Variants in CDKAL1 observed in about 807,000 individuals in gnomAD.
CDKAL1 encodes the protein CDKAL1 threonylcarbamoyladenosine tRNA methylthiotransferase, also known as threonylcarbamoyladenosine tRNA methylthiotransferase.
A neutral mutation model predicts 68.2 loss-of-function variants in CDKAL1; 32 were observed. That is an observed-to-expected ratio of 0.47 (90% CI 0.35 to 0.63). The LOEUF (loss-of-function observed/expected upper bound fraction) is 0.63. Ranked by LOEUF, CDKAL1 falls within the 30% of genes least tolerant of loss-of-function variation. The pLI, the probability that CDKAL1 is intolerant of heterozygous loss-of-function variation, is 0.00. For synonymous variants in CDKAL1, 234 were observed against 244.3 expected, an observed-to-expected ratio of 0.96 and a Z score of 0.39; for missense variants, 606 against 696.7, an observed-to-expected ratio of 0.87 and a Z score of 1.47.
At chr6:21,218,996 CT>C (rs1470150660) in intron 15 of CDKAL1, among the ~76,000 whole-genome samples, 1 of 152,066 alleles carries the variant, frequency 6.6e-6, no homozygotes, top group East Asian at 1.9e-4. Flanking sequence ...TTATTTTTTA[CT>C]TTTAAAAACT....
At chr6:21,075,677 A>T (rs1445323551) in intron 12 of CDKAL1, among the ~76,000 whole-genome samples, 1 of 152,218 alleles carries the variant, frequency 6.6e-6, no homozygotes, top group East Asian at 1.9e-4. Context: ...TTGCAAGTTC[A>T]TATTTTCTGT....
intron 8 of CDKAL1, among the ~76,000 whole-genome samples, chr6:20,807,244 A>G (rs1204296028): frequency 2.0e-5 from 3 of 150,570 alleles, no homozygotes; most frequent in African/African-American, 7.3e-5. Flanking sequence ...TTTTTTTGAG[A>G]CGGAGTCTCG....
chr6:20,955,368 G>A (rs1561913430), intron 9 of CDKAL1, 51 bp from the exon 10 acceptor site: 2 of 1,558,262 alleles, frequency 1.3e-6, no homozygotes, highest in Non-Finnish European at 8.8e-7. Context: ...GCTGTATGAT[G>A]AAGGAAACAG....
chr6:20,717,504 G>A (rs919313406), intron 5 of CDKAL1, among the ~76,000 whole-genome samples: 1 of 151,944 alleles, frequency 6.6e-6, no homozygotes, highest in African/African-American at 2.4e-5. Flanking sequence ...AGAACAGGTA[G>A]TTTGATAGAT....
At chr6:20,919,060 C>CATCA (rs1368778485) in intron 9 of CDKAL1, among the ~76,000 whole-genome samples, 2 of 152,260 alleles carry the variant, frequency 1.3e-5, no homozygotes, top group African/African-American at 4.8e-5. Context: ...AAAACTAATA[C>CATCA]ATCAATAGTC....
intron 4 of CDKAL1, among the ~76,000 whole-genome samples, chr6:20,585,252 C>G (rs1765301373): frequency 2.6e-5 from 4 of 151,972 alleles, no homozygotes; most frequent in Non-Finnish European, 5.9e-5. Context: ...TGGGGTTTCA[C>G]CGTGTTAGCC....
intron 11 of CDKAL1, among the ~76,000 whole-genome samples, chr6:21,008,628 T>C (rs970396486): frequency 1.3e-5 from 2 of 152,212 alleles, no homozygotes; most frequent in African/African-American, 4.8e-5. Context: ...TGAGTTGTAC[T>C]AACGTCTAAA....
At chr6:20,885,069 A>G (rs1479597752) in intron 9 of CDKAL1, among the ~76,000 whole-genome samples, 1 of 152,250 alleles carries the variant, frequency 6.6e-6, no homozygotes, top group Non-Finnish European at 1.5e-5. Flanking sequence ...AATACTTAAT[A>G]TTGTTAAGAT....
At chr6:20,712,504 GAAA>G (rs372310205) in intron 5 of CDKAL1, among the ~76,000 whole-genome samples, 2 of 100,564 alleles carry the variant, frequency 2.0e-5, no homozygotes, top group African/African-American at 7.3e-5. Flanking sequence ...TGATGTGTTA[GAAA>G]AAAAAAAAAG....
At chr6:20,536,134 G>A (rs1186328451) in intron 2 of CDKAL1, among the ~76,000 whole-genome samples, 2 of 147,386 alleles carry the variant, frequency 1.4e-5, no homozygotes, top group Non-Finnish European at 3.0e-5. Context: ...GATAGGGTCC[G>A]TGTTGCCTAG....
At chr6:21,120,911 T>C (rs559181692) in intron 13 of CDKAL1, among the ~76,000 whole-genome samples, 7 of 152,320 alleles carry the variant, frequency 4.6e-5, no homozygotes, top group African/African-American at 1.7e-4. Flanking sequence ...TGCTGTGCAG[T>C]GTATAATCTC....
intron 11 of CDKAL1, among the ~76,000 whole-genome samples, chr6:21,029,276 C>G (rs1447957995): frequency 1.3e-5 from 2 of 152,046 alleles, no homozygotes; most frequent in Non-Finnish European, 1.5e-5. Context: ...AGCCTGGTCT[C>G]AAACTCCTCC....
chr6:20,565,786 T>C (rs532110917), intron 4 of CDKAL1, among the ~76,000 whole-genome samples: 2 of 152,216 alleles, frequency 1.3e-5, no homozygotes, highest in Admixed American at 1.3e-4. Flanking sequence ...TTTAATACCC[T>C]AGAGGCCGTA....
chr6:20,566,624 T>G (rs774394532), intron 4 of CDKAL1, among the ~76,000 whole-genome samples: 6 of 152,196 alleles, frequency 3.9e-5, no homozygotes, highest in Non-Finnish European at 8.8e-5. Context: ...ATTAACATCT[T>G]TTGATTTTTT....
At chr6:20,917,073 C>T (rs370701496) in intron 9 of CDKAL1, among the ~76,000 whole-genome samples, 7 of 152,094 alleles carry the variant, frequency 4.6e-5, no homozygotes, top group African/African-American at 7.2e-5. Context: ...CTTCACCTCC[C>T]GGGTTCAAGC....
intron 8 of CDKAL1, among the ~76,000 whole-genome samples, chr6:20,829,478 C>G (rs1212711511): frequency 6.6e-6 from 1 of 152,172 alleles, no homozygotes; most frequent in Non-Finnish European, 1.5e-5. Flanking sequence ...TATATTAGGC[C>G]TATTTACTTG....
At chr6:20,729,245 T>G (rs1388241582) in intron 5 of CDKAL1, among the ~76,000 whole-genome samples, 1 of 152,198 alleles carries the variant, frequency 6.6e-6, no homozygotes, top group Non-Finnish European at 1.5e-5. Flanking sequence ...CTTAGATTAG[T>G]CTTAATCTTG....
chr6:20,628,401 T>C (rs1268447183), intron 4 of CDKAL1, among the ~76,000 whole-genome samples: 1 of 152,168 alleles, frequency 6.6e-6, no homozygotes, highest in African/African-American at 2.4e-5. Flanking sequence ...TGAATTAGAA[T>C]GATAAAGTCT....
intron 13 of CDKAL1, among the ~76,000 whole-genome samples, chr6:21,180,381 A>G (rs1397569348): frequency 6.7e-6 from 1 of 148,602 alleles, no homozygotes; most frequent in East Asian, 1.9e-4. Flanking sequence ...TTCATACCAC[A>G]CTTGCCAGTC....
Sources: allele counts gnomAD v4.1 joint callset (sites outside exome capture counted in the v4.1 genomes callset), GRCh38; gene constraint gnomAD v4.1.1; transcripts MANE v1.5; gene names NCBI Gene and HGNC (gene_info 2026-07-23, HGNC 2026-07-21).